PTPRK: variants seen among roughly 807,000 people sequenced by gnomAD.
The protein encoded by PTPRK is protein tyrosine phosphatase receptor type K.
PTPRK carries 75 observed loss-of-function variants against 178.0 expected under a neutral mutation model. The observed-to-expected ratio is 0.42, with a 90% CI of 0.35 to 0.51. The LOEUF is 0.51. PTPRK is among the 20% of genes least tolerant of loss of function. PTPRK has a pLI of 0.02. For synonymous variants in PTPRK, 637 were observed against 620.6 expected (o/e 1.03, Z -0.39); for missense variants, 1,441 against 1,797.8 (o/e 0.80, Z 3.59).
intron 6 of PTPRK, among the ~76,000 whole-genome samples, chr6:128,195,513 G>A (rs1031224204): frequency 2.0e-5 from 3 of 150,572 alleles, no homozygotes; most frequent in African/African-American, 7.5e-5. Context: ...TTAATCAGGG[G>A]AATTATTATC....
intron 13 of PTPRK, among the ~76,000 whole-genome samples, chr6:128,021,831 G>T (rs1040793424): frequency 6.6e-6 from 1 of 152,186 alleles, no homozygotes; most frequent in African/African-American, 2.4e-5. Context: ...CCAATGTATA[G>T]AGTTGGGGAA....
At position 127,991,389 on chromosome 6, in the gene PTPRK, G is replaced by A; in HGVS notation, c.2884C>T (p.Pro962Ser). 1 of 1,561,402 alleles carries A rather than the reference G, an allele frequency of 6.4e-7. No individual in the cohort carries two copies. The highest frequency in any genetic ancestry group is 1.3e-5 in the South Asian group (1 of 79,532). ...RPSHYIATQG[P>S]VHETVYDFWR... The stretch of plus-strand genomic sequence containing the variant: ...AAATCATACACTGTTTCATGAACGG[G>A]ACCTACAAAGAAATTAATTTGAATA... Residue 962 changes from proline to serine, a missense_variant and splice_region_variant, in exon 20 of 30, where the codon CCC becomes TCC. Physicochemically the swap from Pro to Ser is moderately conservative, Grantham distance 74 (BLOSUM62 -1). Transcript: ENST00000368226.
At chr6:128,272,361 A>T (rs982332547) in intron 3 of PTPRK, among the ~76,000 whole-genome samples, 22 of 152,342 alleles carry the variant, frequency 1.4e-4, no homozygotes, top group African/African-American at 5.3e-4. Context: ...GACAAATGGG[A>T]TCTAATTAAA....
chr6:128,170,865 C>G (rs933709516), intron 7 of PTPRK, among the ~76,000 whole-genome samples: 1 of 149,030 alleles, frequency 6.7e-6, no homozygotes, highest in African/African-American at 2.5e-5. Flanking sequence ...ATAGATATTG[C>G]AAACTAGCAT....
chr6:128,312,148 C>T (rs1827322052), intron 3 of PTPRK, among the ~76,000 whole-genome samples: 1 of 152,178 alleles, frequency 6.6e-6, no homozygotes, highest in Non-Finnish European at 1.5e-5. Flanking sequence ...TTCTTGGCCA[C>T]TTTGTACAGC....
intron 1 of PTPRK, among the ~76,000 whole-genome samples, chr6:128,449,112 G>A (rs1252248821): frequency 2.0e-5 from 3 of 151,918 alleles, no homozygotes; most frequent in South Asian, 2.1e-4. Flanking sequence ...CACCCGCCTC[G>A]GCCTCCCAAA....
chr6:128,379,026 G>A (rs1837496397), intron 2 of PTPRK, among the ~76,000 whole-genome samples: 1 of 152,062 alleles, frequency 6.6e-6, no homozygotes, highest in Non-Finnish European at 1.5e-5. Flanking sequence ...GCACTATTAA[G>A]AAAGAAAGAA....
At chr6:128,024,870 G>A (rs747588150) in intron 13 of PTPRK, among the ~76,000 whole-genome samples, 4 of 152,000 alleles carry the variant, frequency 2.6e-5, no homozygotes, top group Admixed American at 6.6e-5. Context: ...ATAATTGCTA[G>A]AATTTATCAT....
At chr6:128,461,362 T>C (rs1849029229) in intron 1 of PTPRK, among the ~76,000 whole-genome samples, 1 of 151,970 alleles carries the variant, frequency 6.6e-6, no homozygotes, top group South Asian at 2.1e-4. Context: ...AAAGGACACT[T>C]AAATACATTT....
intron 7 of PTPRK, among the ~76,000 whole-genome samples, chr6:128,112,762 C>G (rs534123484): frequency 6.6e-6 from 1 of 152,158 alleles, no homozygotes; most frequent in South Asian, 2.1e-4. Flanking sequence ...AACATGGAAG[C>G]TAAATATAGT....
chr6:128,052,773 A>G (rs1411003116), intron 13 of PTPRK, among the ~76,000 whole-genome samples: 1 of 152,136 alleles, frequency 6.6e-6, no homozygotes, highest in African/African-American at 2.4e-5. Context: ...CTGGTTTCTC[A>G]TCCATCTTTC....
chr6:128,347,685 GT>G (rs1832598580), intron 2 of PTPRK, among the ~76,000 whole-genome samples: 1 of 151,912 alleles, frequency 6.6e-6, no homozygotes, highest in Non-Finnish European at 1.5e-5. Flanking sequence ...CTCACTTACT[GT>G]TTTTCCTCGT....
intron 6 of PTPRK, among the ~76,000 whole-genome samples, chr6:128,216,667 C>T (rs1809371691): frequency 6.6e-6 from 1 of 151,750 alleles, no homozygotes; most frequent in South Asian, 2.1e-4. Flanking sequence ...ATGTAGTTGT[C>T]TCCAGGTAAG....
chr6:128,403,672 G>A (rs1377561390), intron 1 of PTPRK, among the ~76,000 whole-genome samples: 1 of 151,864 alleles, frequency 6.6e-6, no homozygotes, highest in Admixed American at 6.6e-5. Flanking sequence ...ATATTTAACA[G>A]CTAAGCCCTT....
At chr6:128,506,607 C>T (rs1480360000) in intron 1 of PTPRK, among the ~76,000 whole-genome samples, 3 of 139,370 alleles carry the variant, frequency 2.2e-5, no homozygotes, top group East Asian at 2.1e-4. Context: ...CCACAGAGAG[C>T]TATGTTCACA....
chr6:128,215,718 T>C (rs1407993702), intron 6 of PTPRK, among the ~76,000 whole-genome samples: 1 of 152,134 alleles, frequency 6.6e-6, no homozygotes, highest in African/African-American at 2.4e-5. Flanking sequence ...ACTTTCAGTT[T>C]AGGAGAAAAT....
rs146348429 is a variant in PTPRK at position 128,021,605 on chromosome 6, A to G, written c.2195-12337T>C. Among the ~76,000 whole-genome samples the G allele has an allele frequency of 2.4e-3, 368 of 152,282 alleles. 4 individuals carry two copies. The highest frequency in any genetic ancestry group is 8.0e-3 in the African/African-American group (331 of 41,554). The stretch of plus-strand genomic sequence containing the variant: ...CAGTGAGCGGAGATTGTGCCACTGC[A>G]CTCCAGCCTGGGTATCAGAGCGAGA... On this transcript the variant is annotated intron_variant, in intron 13 of 29. Transcript: ENST00000368226.
chr6:128,464,144 C>T (rs574542509), intron 1 of PTPRK, among the ~76,000 whole-genome samples: 68 of 152,140 alleles, frequency 4.5e-4, no homozygotes, highest in African/African-American at 1.6e-3. Flanking sequence ...AAAGCACCTA[C>T]TCACTATTGC....
At chr6:128,371,748 A>C (rs1836318679) in intron 2 of PTPRK, among the ~76,000 whole-genome samples, 1 of 152,006 alleles carries the variant, frequency 6.6e-6, no homozygotes, top group Non-Finnish European at 1.5e-5. Context: ...CATGATGCAC[A>C]CCTGTAGTTC....
Sources: gnomAD v4.1 joint callset for allele counts (sites outside exome capture counted in the v4.1 genomes callset) on GRCh38, gnomAD v4.1.1 for gene constraint, MANE v1.5 for transcripts, NCBI Gene and HGNC (gene_info 2026-07-23, HGNC 2026-07-21) for gene names.